Variants in VPS37A observed in about 807,000 individuals in gnomAD.
VPS37A encodes the protein vacuolar protein sorting-associated protein 37A.
Under a neutral mutation model 49.8 loss-of-function variants are expected in VPS37A, and 30 were observed. That is an observed-to-expected ratio of 0.60 (90% CI 0.45 to 0.82). VPS37A has a LOEUF of 0.82. VPS37A is among the 40% of genes least tolerant of loss of function. The pLI, the probability that VPS37A is intolerant of heterozygous loss-of-function variation, is 0.00. For synonymous variants in VPS37A, 195 were observed against 160.6 expected, an observed-to-expected ratio of 1.21 and a Z score of -1.62; for missense variants, 593 against 464.4, an observed-to-expected ratio of 1.28 and a Z score of -2.55.
At chr8:17,309,688 C>G in the VPS37A span, among the ~76,000 whole-genome samples, 1 of 152,144 alleles carries the variant, frequency 6.6e-6, no homozygotes, top group Non-Finnish European at 1.5e-5. Context: ...TCATATTCGC[C>G]CAAGATCATG....
At chr8:17,293,285 G>T (rs1222702467) in intron 11 of VPS37A, among the ~76,000 whole-genome samples, 2 of 151,504 alleles carry the variant, frequency 1.3e-5, no homozygotes, top group Admixed American at 1.3e-4. Flanking sequence ...CTCGTGCTGT[G>T]TTTTTCAGTT....
chr8:17,311,728 G>T, the VPS37A span: 1 of 1,570,624 alleles, frequency 6.4e-7, no homozygotes, highest in Non-Finnish European at 8.6e-7. Context: ...TATATTTACA[G>T]AAAGAAACAG....
At chr8:17,310,038 C>G in the VPS37A span, among the ~76,000 whole-genome samples, 2 of 152,090 alleles carry the variant, frequency 1.3e-5, no homozygotes. Context: ...TCTCACTCAG[C>G]CACGTAGGCT....
the VPS37A span, among the ~76,000 whole-genome samples, chr8:17,333,213 G>C: frequency 6.6e-6 from 1 of 152,098 alleles, no homozygotes; most frequent in Non-Finnish European, 1.5e-5. Flanking sequence ...GGCATGCTAC[G>C]AGAATAAAGA....
At chr8:17,327,866 G>C in the VPS37A span, among the ~76,000 whole-genome samples, 2 of 151,808 alleles carry the variant, frequency 1.3e-5, no homozygotes, top group African/African-American at 2.4e-5. Context: ...TCAACTTACT[G>C]TTTACTCTTT....
intron 1 of VPS37A, among the ~76,000 whole-genome samples, chr8:17,264,512 C>T (rs1406062026): frequency 6.6e-6 from 1 of 152,160 alleles, no homozygotes; most frequent in Non-Finnish European, 1.5e-5. Context: ...AACTCCATTC[C>T]TTAGGATATC....
intron 5 of VPS37A, among the ~76,000 whole-genome samples, chr8:17,276,149 A>G (rs1244306075): frequency 6.6e-6 from 1 of 152,142 alleles, no homozygotes; most frequent in Non-Finnish European, 1.5e-5. Context: ...GAGAACTACC[A>G]GTTCTCTACC....
At chr8:17,299,595 T>C (rs1357452401), downstream of VPS37A, 2 of 419,630 alleles carry the variant, frequency 4.8e-6, no homozygotes, top group Non-Finnish European at 8.6e-6. Context: ...ACAGAAGTAA[T>C]TGCTCTGCAG....
downstream of VPS37A, among the ~76,000 whole-genome samples, chr8:17,304,791 T>A (rs78305025): frequency 0.014 from 1,585 of 114,620 alleles, 12 homozygotes; most frequent in Non-Finnish European, 0.021. Context: ...TTGGGGGGAG[T>A]TTTTTCCCCC....
chr8:17,276,131 A>T (rs965443865), intron 5 of VPS37A, among the ~76,000 whole-genome samples: 2 of 152,094 alleles, frequency 1.3e-5, no homozygotes, highest in African/African-American at 4.8e-5. Flanking sequence ...ATGTACTTAG[A>T]CAAGAAAGAG....
chr8:17,254,392 C>G (rs577176272), intron 1 of VPS37A, among the ~76,000 whole-genome samples: 1 of 152,134 alleles, frequency 6.6e-6, no homozygotes, highest in Non-Finnish European at 1.5e-5. Flanking sequence ...TATTTACCAG[C>G]AACAAGCTGG....
chr8:17,321,551 G>A, the VPS37A span, among the ~76,000 whole-genome samples: 74 of 152,292 alleles, frequency 4.9e-4, no homozygotes, highest in African/African-American at 1.3e-3. Context: ...TAATAGACAT[G>A]GGCAGATGGG....
intron 1 of VPS37A, among the ~76,000 whole-genome samples, chr8:17,257,097 T>C (rs933423254): frequency 6.6e-6 from 1 of 152,186 alleles, no homozygotes; most frequent in Non-Finnish European, 1.5e-5. Flanking sequence ...CTTATTTGAT[T>C]TTTGTGTATG....
downstream of VPS37A, chr8:17,305,997 A>G: frequency 6.6e-7 from 1 of 1,517,466 alleles, no homozygotes; most frequent in Non-Finnish European, 9.0e-7. Flanking sequence ...AGGCAGATTT[A>G]TTTTTAAAGT....
chr8:17,300,051 A>G, downstream of VPS37A: 1 of 1,614,180 alleles, frequency 6.2e-7, no homozygotes, highest in Non-Finnish European at 8.5e-7. Flanking sequence ...CAGAATCTTC[A>G]TCGCCTTGTG....
At chr8:17,254,424 T>C (rs1812249975) in intron 1 of VPS37A, among the ~76,000 whole-genome samples, 1 of 152,204 alleles carries the variant, frequency 6.6e-6, no homozygotes, top group South Asian at 2.1e-4. Context: ...GAAAAGAGGC[T>C]AATTCCCTAG....
the VPS37A span, among the ~76,000 whole-genome samples, chr8:17,329,786 T>C: frequency 0.12 from 18,161 of 152,204 alleles, 1,406 homozygotes; most frequent in East Asian, 0.32. Context: ...AAACTCTGCA[T>C]GATAATCTCC....
In VPS37A at chr8:17,247,178, C is replaced by T; in HGVS notation, c.-67C>T. On this transcript the variant is annotated 5_prime_UTR_variant, in exon 1 of 12. Coordinates refer to ENST00000324849, the MANE Select transcript of VPS37A (RefSeq NM_152415.3). ...CGCTCCTCTGTCGCTGGAGAACCGC[C>T]GGGCCGAGCCACTGGGAGAAGCAGG... 1 of 1,547,378 alleles carries T rather than the reference C, an allele frequency of 6.5e-7. No individual in the cohort carries two copies. The highest frequency in any genetic ancestry group is 8.7e-7 in the Non-Finnish European group (1 of 1,146,568).
At chr8:17,262,803 C>T (rs1437634177) in intron 1 of VPS37A, among the ~76,000 whole-genome samples, 2 of 152,106 alleles carry the variant, frequency 1.3e-5, no homozygotes, top group Non-Finnish European at 2.9e-5. Context: ...TGACTCACGC[C>T]TGTAATCCTA....
Sources: allele counts gnomAD v4.1 joint callset (sites outside exome capture counted in the v4.1 genomes callset), GRCh38; gene constraint gnomAD v4.1.1; transcripts MANE v1.5; gene names NCBI Gene and HGNC (gene_info 2026-07-23, HGNC 2026-07-21).